The following FAXDC2 variants were observed in gnomAD, a reference collection of about 807,000 sequenced individuals.
FAXDC2 encodes the protein fatty acid hydroxylase domain-containing protein 2.
Under a neutral mutation model 40.9 loss-of-function variants are expected in FAXDC2, and 41 were observed. That is an observed-to-expected ratio of 1.00 (90% CI 0.78 to 1.30). The LOEUF (loss-of-function observed/expected upper bound fraction) is 1.30. Among genes scored for constraint, FAXDC2 ranks in the 50% most tolerant of loss-of-function variants. FAXDC2 has a pLI of 0.00. For synonymous variants in FAXDC2, 157 were observed against 149.3 expected (o/e 1.05, Z -0.38); for missense variants, 390 against 408.8 (o/e 0.95, Z 0.40).
chr5:154,829,720 C>T (rs1034894416), intron 5 of FAXDC2, among the ~76,000 whole-genome samples: 5 of 152,238 alleles, frequency 3.3e-5, no homozygotes, highest in African/African-American at 1.2e-4. Flanking sequence ...TGTAACACCT[C>T]TGTTTCCTCA....
intron 2 of FAXDC2, chr5:154,835,226 G>A (rs981843521): frequency 9.1e-6 from 3 of 330,378 alleles, no homozygotes; most frequent in Admixed American, 4.5e-5. Flanking sequence ...CAGAGGACAG[G>A]CGAGCCTCTA....
Position 154,822,682 on chromosome 5 carries a change from C to T in FAXDC2, c.573-105G>A. The T allele has an allele frequency of 3.7e-6, 3 of 801,130 alleles. No individual in the cohort carries two copies. In the South Asian group the frequency reaches 4.6e-5, roughly 12 times the overall value. 49.6% of individuals were successfully genotyped at this position (801,130 alleles called of 1,614,324 possible). A position where few individuals can be genotyped will look rare whatever the true frequency, so the allele number is the denominator to read the frequency against. Reference sequence around the variant, plus strand: ...GGAACTAGGGGTTACATCCATGGAGCAAAGTTAACAACACCAAGACCTGCC... The same window carrying T: ...GGAACTAGGGGTTACATCCATGGAGTAAAGTTAACAACACCAAGACCTGCC... On this transcript the variant is annotated intron_variant, in intron 6 of 8. Coordinates refer to ENST00000326080, the MANE Select transcript of FAXDC2 (RefSeq NM_032385.5).
intron 2 of FAXDC2, chr5:154,835,243 A>T (rs1047838764): frequency 1.4e-5 from 4 of 281,298 alleles, no homozygotes; most frequent in Non-Finnish European, 2.7e-5. Flanking sequence ...TCTATCAGCC[A>T]TAGGATTTCA....
At chr5:154,821,239 T>C (rs374973207) in intron 8 of FAXDC2, 21 bp downstream of exon 8, 54 of 1,601,696 alleles carry the variant, frequency 3.4e-5, no homozygotes, top group South Asian at 3.3e-4. Context: ...TAGGGACCCA[T>C]TGTGGGGAGA....
At chr5:154,837,861 G>T (rs1322466777) in intron 2 of FAXDC2, among the ~76,000 whole-genome samples, 5 of 152,198 alleles carry the variant, frequency 3.3e-5, no homozygotes, top group African/African-American at 1.2e-4. Flanking sequence ...AGGGCTACAG[G>T]CAGGAGAGCC....
chr5:154,849,510 C>A (rs1015533971), intron 1 of FAXDC2, among the ~76,000 whole-genome samples: 7 of 152,050 alleles, frequency 4.6e-5, no homozygotes, highest in African/African-American at 1.7e-4. Context: ...GTAGAAGATA[C>A]TCAAGAAAGA....
intron 1 of FAXDC2, among the ~76,000 whole-genome samples, chr5:154,844,371 G>A (rs1207778697): frequency 6.8e-6 from 1 of 146,804 alleles, no homozygotes; most frequent in African/African-American, 2.5e-5. Flanking sequence ...GACAGAGCAA[G>A]ACCCTGCCTC....
At chr5:154,848,019 T>G (rs1760641825) in intron 1 of FAXDC2, among the ~76,000 whole-genome samples, 1 of 152,002 alleles carries the variant, frequency 6.6e-6, no homozygotes, top group African/African-American at 2.4e-5. Flanking sequence ...TTTTGTATTT[T>G]TAGTAGAGAC....
At chr5:154,821,069 G>A (rs1561650288) in intron 8 of FAXDC2, 191 bp downstream of exon 8, 2 of 577,118 alleles carry the variant, frequency 3.5e-6, no homozygotes, top group Non-Finnish European at 6.2e-6. Context: ...AAAACCCCCA[G>A]TTGGAGGAGG....
At position 154,823,386 on chromosome 5, in the gene FAXDC2, C is replaced by G; in HGVS notation, c.572+1G>C. 1 of 1,613,002 alleles carries G rather than the reference C, an allele frequency of 6.2e-7. No individual in the cohort carries two copies. The highest frequency in any genetic ancestry group is 1.1e-5 in the South Asian group (1 of 91,016). ...CTGTGCCTCAGGCAGGGCCTGCTCA[C>G]CGGTGTGAATAGTAGAACAAGACTT... On this transcript the variant is annotated splice_donor_variant, in intron 6 of 8. Coordinates refer to ENST00000326080, the MANE Select transcript of FAXDC2 (RefSeq NM_032385.5). LOFTEE classifies it high-confidence loss of function.
intron 1 of FAXDC2, among the ~76,000 whole-genome samples, chr5:154,840,338 T>C (rs1411131998): frequency 6.6e-6 from 1 of 152,108 alleles, no homozygotes; most frequent in African/African-American, 2.4e-5. Context: ...CAAGCAATCC[T>C]CTTGCCTCAG....
chr5:154,823,637 G>T lies in FAXDC2; in HGVS notation c.367-45C>A, dbSNP rs141339318. ...AGGGAGATGGATAAGAGTGTGAGAA[G>T]TAGGCTCCACCGTGACCTGCTTACA... is the stretch of plus-strand genomic sequence containing the variant. On this transcript the variant is annotated intron_variant, in intron 5 of 8. Transcript: ENST00000326080. The T allele has an allele frequency of 2.4e-4, 365 of 1,535,154 alleles. 2 individuals carry two copies. In the African/African-American group the frequency reaches 4.1e-3, roughly 17 times the overall value.
At chr5:154,845,799 T>C (rs1486034340) in intron 1 of FAXDC2, among the ~76,000 whole-genome samples, 1 of 151,600 alleles carries the variant, frequency 6.6e-6, no homozygotes, top group East Asian at 1.9e-4. Flanking sequence ...ATTTTTTTTT[T>C]TTTTTTAGAT....
intron 1 of FAXDC2, among the ~76,000 whole-genome samples, chr5:154,848,227 C>T (rs566939703): frequency 6.6e-6 from 1 of 152,118 alleles, no homozygotes; most frequent in Non-Finnish European, 1.5e-5. Context: ...ATTGTTGAGA[C>T]AATTTACTCT....
At chr5:154,835,883 C>CTTTTTTTTTTATTTTT (rs1760332316) in intron 2 of FAXDC2, among the ~76,000 whole-genome samples, 1 of 47,842 alleles carries the variant, frequency 2.1e-5, no homozygotes, top group African/African-American at 8.5e-5. Context: ...GCCCGGCCGA[C>CTTTTTTTTTTATTTTT]TTTTTTTTTT....
intron 6 of FAXDC2, 43 bp from the exon 7 acceptor site, chr5:154,822,620 T>C (rs759695661): frequency 6.6e-7 from 1 of 1,513,706 alleles, no homozygotes; most frequent in South Asian, 1.1e-5. Flanking sequence ...GATTCCTCTT[T>C]CTCCCTCCCC....
chr5:154,843,045 G>A (rs1760518690), intron 1 of FAXDC2, among the ~76,000 whole-genome samples: 1 of 152,170 alleles, frequency 6.6e-6, no homozygotes, highest in South Asian at 2.1e-4. Flanking sequence ...AGATCTAAAT[G>A]TCTGCAAACC....
chr5:154,823,276 A>T (rs1759933002), intron 6 of FAXDC2, 111 bp downstream of exon 6: 2 of 976,666 alleles, frequency 2.0e-6, no homozygotes, highest in Non-Finnish European at 3.1e-6. Context: ...AGCCTCCCAA[A>T]TTGCCAGGAT....
rs1198139546 is a variant in FAXDC2 at position 154,818,719 on chromosome 5, G to A, written c.*1597C>T. ...CCTTACAGTACCTCAAAATCTAAAG[G>A]CCTTAAAGGGGAAAAAAACCGTATC... On this transcript the variant is annotated 3_prime_UTR_variant, in exon 9 of 9. Coordinates refer to ENST00000326080, the MANE Select transcript of FAXDC2 (RefSeq NM_032385.5). 1 of 152,110 alleles carries A rather than the reference G, an allele frequency of 6.6e-6. No individual in the cohort carries two copies. The highest frequency in any genetic ancestry group is 1.5e-5 in the Non-Finnish European group (1 of 68,020). 9.4% of individuals were successfully genotyped at this position (152,110 alleles called of 1,614,324 possible).
Sources: gnomAD v4.1 joint callset for allele counts (sites outside exome capture counted in the v4.1 genomes callset) on GRCh38, gnomAD v4.1.1 for gene constraint, MANE v1.5 for transcripts, NCBI Gene and HGNC (gene_info 2026-07-23, HGNC 2026-07-21) for gene names.